Variants in OVOL2 observed in about 807,000 individuals in gnomAD.
OVOL2 encodes the protein ovo like zinc finger 2.
A neutral mutation model predicts 18.1 loss-of-function variants in OVOL2; 13 were observed. The observed-to-expected ratio is 0.72, with a 90% confidence interval of 0.47 to 1.14. OVOL2 has a LOEUF of 1.14. Ranked by LOEUF, OVOL2 falls within the 50% of genes most tolerant of loss-of-function variation. The pLI is 0.00. For synonymous variants in OVOL2, 166 were observed against 162.7 expected (o/e 1.02, Z -0.16); for missense variants, 335 against 383.0 (o/e 0.87, Z 1.05).
Position 18,024,419 on chromosome 20 carries a change from G to A in OVOL2, c.*217C>T. ...TGAAAACAAACTTTGGTGAATGTGA[G>A]CAACTGCGCCAGACAGGACACAGGT... On this transcript the variant is annotated 3_prime_UTR_variant, in exon 4 of 4. Coordinates refer to ENST00000278780, the MANE Select transcript of OVOL2 (RefSeq NM_021220.4). 1 of 981,362 alleles carries A rather than the reference G, an allele frequency of 1.0e-6. No homozygotes were observed. Among genetic ancestry groups the A allele is most frequent in the Non-Finnish European group, 1.4e-6 (1 of 729,646 alleles). The allele number at this position is 981,362 out of a possible 1,614,324, so 60.8% of individuals were successfully genotyped here. A position where few individuals can be genotyped will look rare whatever the true frequency, so the allele number is the denominator to read the frequency against.
intron 3 of OVOL2, among the ~76,000 whole-genome samples, chr20:18,027,728 T>C (rs1257161704): frequency 2.0e-5 from 3 of 151,596 alleles, no homozygotes; most frequent in African/African-American, 7.3e-5. Flanking sequence ...CCCGAGTAGC[T>C]GGGACTACAG....
intron 2 of OVOL2, among the ~76,000 whole-genome samples, chr20:18,053,427 G>A (rs565706221): frequency 1.6e-4 from 25 of 152,174 alleles, no homozygotes; most frequent in Admixed American, 3.9e-4. Flanking sequence ...ATGGCAGGGC[G>A]CGGTGGCTCA....
At chr20:18,031,809 G>T (rs1346930877) in intron 3 of OVOL2, among the ~76,000 whole-genome samples, 5 of 152,064 alleles carry the variant, frequency 3.3e-5, no homozygotes, top group Non-Finnish European at 5.9e-5. Context: ...GAAAAATATT[G>T]TTTATTGGGT....
chr20:18,056,557 CG>C lies in OVOL2; in HGVS notation c.321+99del. 8.5e-7 allele frequency: 1 copy of C among 1,183,360 alleles called. No individual in the cohort carries two copies. Among genetic ancestry groups the C allele is most frequent in the Non-Finnish European group, 1.0e-6 (1 of 956,234 alleles). The allele number at this position is 1,183,360 out of a possible 1,614,324, so 73.3% of individuals were successfully genotyped here. A position where few individuals can be genotyped will look rare whatever the true frequency, so the allele number is the denominator to read the frequency against. On this transcript the variant is annotated intron_variant, in intron 2 of 3. Coordinates refer to ENST00000278780, the MANE Select transcript of OVOL2 (RefSeq NM_021220.4). This position sits in a 1 kb window ranked among gnomAD's most constrained non-coding sequence, Gnocchi z 4.2. The stretch of plus-strand genomic sequence containing the variant: ...GCGGGCGCGCTCGGGGCGCGGGTGC[CG>C]GGTTGCGCAGGCGGGCGCGGCAGGG...
chr20:18,051,956 T>G (rs1254597755), intron 2 of OVOL2, among the ~76,000 whole-genome samples: 2 of 152,136 alleles, frequency 1.3e-5, no homozygotes, highest in African/African-American at 4.8e-5. Flanking sequence ...GCCAGGCTGG[T>G]CTTGAACTCC....
chr20:18,035,532 G>T (rs772877351), intron 3 of OVOL2, among the ~76,000 whole-genome samples: 5 of 152,224 alleles, frequency 3.3e-5, no homozygotes, highest in Non-Finnish European at 5.9e-5. Flanking sequence ...TTTGGAGCTG[G>T]TGAAGTTTGT....
In OVOL2 at chr20:18,057,479, C is replaced by T; in HGVS notation, c.100+56G>A. 1 of 1,527,642 alleles carries T rather than the reference C, an allele frequency of 6.5e-7. No homozygotes were observed. Among genetic ancestry groups the T allele is most frequent in the African/African-American group, 1.4e-5 (1 of 71,914 alleles). The allele number at this position is 1,527,642 out of a possible 1,614,324, so 94.6% of individuals were successfully genotyped here. On this transcript the variant is annotated intron_variant, in intron 1 of 3. Transcript: ENST00000278780. This position sits in a 1 kb window ranked among gnomAD's most constrained non-coding sequence, Gnocchi z 6.3. ...GCCGATGAGCAGAGAAGACCCGCCA[C>T]CCCTTCCCCCACCCCGGGAGCCCAG...
chr20:18,051,020 T>C (rs992203008), intron 2 of OVOL2, among the ~76,000 whole-genome samples: 5 of 152,124 alleles, frequency 3.3e-5, no homozygotes, highest in Non-Finnish European at 7.3e-5. Flanking sequence ...CCCTTCCAAA[T>C]ATCAAATGAA....
chr20:18,056,543 C>A lies in OVOL2; in HGVS notation c.321+114G>T, dbSNP rs1600455310. On this transcript the variant is annotated intron_variant, in intron 2 of 3. Coordinates refer to ENST00000278780, the MANE Select transcript of OVOL2 (RefSeq NM_021220.4). The surrounding 1 kb of genome is among the most constrained non-coding windows in gnomAD (Gnocchi z 4.2). ...GCAGGAGCGGCGCGGCGGGCGCGCT[C>A]GGGGCGCGGGTGCCGGGTTGCGCAG... is the stretch of plus-strand genomic sequence containing the variant. 9.0e-7 allele frequency: 1 copy of A among 1,108,124 alleles called. No homozygotes were observed. Among genetic ancestry groups the A allele is most frequent in the South Asian group, 4.4e-5 (1 of 22,872 alleles). 68.6% of individuals were successfully genotyped at this position (1,108,124 alleles called of 1,614,324 possible).
chr20:18,027,664 C>A (rs1007231173), intron 3 of OVOL2, among the ~76,000 whole-genome samples: 1 of 151,948 alleles, frequency 6.6e-6, no homozygotes, highest in South Asian at 2.1e-4. Flanking sequence ...GGCACCATCT[C>A]GGCTCACTGC....
chr20:18,032,007 C>A (rs146342931), intron 3 of OVOL2, among the ~76,000 whole-genome samples: 1 of 152,184 alleles, frequency 6.6e-6, no homozygotes, highest in African/African-American at 2.4e-5. Flanking sequence ...TACAGGCATG[C>A]TTGTGGGAGT....
At chr20:18,058,119 C>G (rs1243662501), upstream of OVOL2, among the ~76,000 whole-genome samples, 1 of 152,122 alleles carries the variant, frequency 6.6e-6, no homozygotes, top group Non-Finnish European at 1.5e-5. Context: ...CCCCCATCAC[C>G]TGCACCTCGA....
chr20:18,046,391 C>G lies in OVOL2; in HGVS notation c.322-4668G>C, dbSNP rs189861151. Among the ~76,000 whole-genome samples the G allele has an allele frequency of 1.3e-3, 191 of 152,314 alleles. No homozygotes were observed. The Middle Eastern group carries it at 0.031, about 24-fold the overall frequency. On this transcript the variant is annotated intron_variant, in intron 2 of 3. Transcript: ENST00000278780. ...GAGGCTAGAAGCAGTTCAAGTGTCA[C>G]CTGCCAGCCATGTGAGTGAGCCCTT...
intron 2 of OVOL2, among the ~76,000 whole-genome samples, chr20:18,042,550 G>A (rs1182764562): frequency 2.0e-5 from 3 of 151,982 alleles, no homozygotes; most frequent in Admixed American, 6.5e-5. Context: ...GCTGAGGTGG[G>A]TGGATCACCT....
upstream of OVOL2, among the ~76,000 whole-genome samples, chr20:18,058,212 TCCC>T (rs1286624857): frequency 6.6e-6 from 1 of 151,618 alleles, no homozygotes; most frequent in Non-Finnish European, 1.5e-5. Context: ...GTTGCCCCCC[TCCC>T]CCGCCCGGTG....
chr20:18,046,018 A>G (rs2036721597), intron 2 of OVOL2, among the ~76,000 whole-genome samples: 1 of 152,142 alleles, frequency 6.6e-6, no homozygotes, highest in African/African-American at 2.4e-5. Context: ...CCTCCAATCC[A>G]TTAAGTGCTG....
At position 18,024,650 on chromosome 20, in the gene OVOL2, C is replaced by T. The variant is rs1003990425; in HGVS notation, c.814G>A (p.Glu272Lys). The change falls in exon 4 of 4, where the codon GAG becomes AAG. Residue 272 changes from glutamate (E) to lysine (K), a missense_variant. By Grantham distance (56) the Glu-to-Lys change is moderately conservative. Transcript: ENST00000278780. ...CTTCCTTCTCCTCACTTCCTCTCCT[C>T]CTCCTCACTCAGGCTGGTATTCTCC... is the stretch of plus-strand genomic sequence containing the variant. ...HQENTSLSEE[E>K]ERK 10 of 1,605,100 alleles carry T rather than the reference C, an allele frequency of 6.2e-6. No homozygotes were observed. The highest frequency in any genetic ancestry group is 8.5e-6 in the Non-Finnish European group (10 of 1,173,744).
rs2036836055 is a variant in OVOL2, at chr20:18,057,107, G to A, written c.101-230C>T. ...AGCCAAGGCGCCCACGAGGAACCGG[G>A]CGGCCACGAGCGGCGGAGGACCCCG... is the stretch of plus-strand genomic sequence containing the variant. On this transcript the variant is annotated intron_variant, in intron 1 of 3. Coordinates refer to ENST00000278780, the MANE Select transcript of OVOL2 (RefSeq NM_021220.4). This position sits in a 1 kb window ranked among gnomAD's most constrained non-coding sequence, Gnocchi z 6.3. Among the ~76,000 whole-genome samples, 1 of 152,202 alleles carries A rather than the reference G, an allele frequency of 6.6e-6. No individual in the cohort carries two copies. The highest frequency in any genetic ancestry group is 2.4e-5 in the African/African-American group (1 of 41,464).
At chr20:18,054,470 C>T (rs971073004) in intron 2 of OVOL2, among the ~76,000 whole-genome samples, 2 of 152,160 alleles carry the variant, frequency 1.3e-5, no homozygotes, top group African/African-American at 2.4e-5. Flanking sequence ...TGGCTGGATG[C>T]GGTGGCTCAC....
Sources: gnomAD v4.1 joint callset for allele counts (sites outside exome capture counted in the v4.1 genomes callset) on GRCh38, gnomAD v4.1.1 for gene constraint, Gnocchi (gnomAD v3.1) non-coding constraint, MANE v1.5 for transcripts, NCBI Gene and HGNC (gene_info 2026-07-23, HGNC 2026-07-21) for gene names.